Variants in ROR2 observed in about 807,000 individuals in gnomAD.
ROR2 encodes ROR family WNT receptor 2, also known as tyrosine-protein kinase transmembrane receptor ROR2.
ROR2 carries 33 observed loss-of-function variants against 74.9 expected under a neutral mutation model. The ratio of observed to expected loss-of-function variants is 0.44; its 90% confidence interval spans 0.33 to 0.59. The LOEUF (loss-of-function observed/expected upper bound fraction) is 0.59. Among genes scored for constraint, ROR2 ranks in the 20% least tolerant of loss-of-function variants. ROR2 has a pLI of 0.02. For missense variants in ROR2, 1,216 were observed against 1,313.8 expected, an observed-to-expected ratio of 0.93 and a Z score of 1.15; for synonymous variants, 586 against 558.7, an observed-to-expected ratio of 1.05 and a Z score of -0.69.
At chr9:91,915,518 C>T (rs796133849) in intron 1 of ROR2, among the ~76,000 whole-genome samples, 14 of 152,230 alleles carry the variant, frequency 9.2e-5, no homozygotes, top group African/African-American at 3.4e-4. Context: ...GTGAGTGTTA[C>T]AGCTTTCAAA....
chr9:91,725,147 C>T, intron 8 of ROR2, 40 bp from the exon 9 acceptor site: 1 of 1,609,992 alleles, frequency 6.2e-7, no homozygotes, highest in African/African-American at 1.3e-5. Flanking sequence ...ATCACTGTCA[C>T]CGCAGCCCTG....
At chr9:91,933,695 A>G (rs1458190069) in intron 1 of ROR2, among the ~76,000 whole-genome samples, 4 of 152,224 alleles carry the variant, frequency 2.6e-5, no homozygotes, top group African/African-American at 9.6e-5. Context: ...AGCAATGTGG[A>G]TGAACCTTGA....
At chr9:91,815,268 C>A (rs1827889614) in intron 1 of ROR2, among the ~76,000 whole-genome samples, 1 of 152,166 alleles carries the variant, frequency 6.6e-6, no homozygotes, top group African/African-American at 2.4e-5. Context: ...TGGTTTCCAA[C>A]ATGCCATGTT....
intron 1 of ROR2, among the ~76,000 whole-genome samples, chr9:91,921,428 G>A (rs953365220): frequency 4.6e-5 from 7 of 152,200 alleles, no homozygotes; most frequent in Admixed American, 3.9e-4. Context: ...AGAATGCAGA[G>A]GCTGTGGAAA....
intron 1 of ROR2, among the ~76,000 whole-genome samples, chr9:91,803,110 T>C (rs1827444569): frequency 6.6e-6 from 1 of 152,124 alleles, no homozygotes; most frequent in African/African-American, 2.4e-5. Context: ...TGGTGCAGCC[T>C]CTGTAGAAAA....
At chr9:91,825,854 G>C (rs1828271212) in intron 1 of ROR2, among the ~76,000 whole-genome samples, 1 of 152,160 alleles carries the variant, frequency 6.6e-6, no homozygotes, top group Non-Finnish European at 1.5e-5. Context: ...TGCTGTCTTG[G>C]GCAAACACTG....
chr9:91,740,195 T>G (rs1328666374), intron 4 of ROR2, among the ~76,000 whole-genome samples: 4 of 151,764 alleles, frequency 2.6e-5, no homozygotes, highest in African/African-American at 7.3e-5. Flanking sequence ...GGGTGGAGGG[T>G]GCTCCTGCCA....
chr9:91,769,108 T>C (rs10992086), intron 2 of ROR2, among the ~76,000 whole-genome samples: 14,827 of 152,158 alleles, frequency 0.097, 1,026 homozygotes, highest in East Asian at 0.26. Flanking sequence ...GGCTGCTGAC[T>C]TGGAACCTAA....
chr9:91,863,822 G>T (rs954936489), intron 1 of ROR2, among the ~76,000 whole-genome samples: 2 of 152,188 alleles, frequency 1.3e-5, no homozygotes, highest in African/African-American at 4.8e-5. Flanking sequence ...AAAATTGATT[G>T]TGGTAATGGT....
At chr9:91,820,192 C>T (rs1360756410) in intron 1 of ROR2, among the ~76,000 whole-genome samples, 2 of 152,202 alleles carry the variant, frequency 1.3e-5, no homozygotes, top group East Asian at 3.8e-4. Context: ...TTAAAATGCA[C>T]TGCCCCCACC....
At chr9:91,805,927 C>T (rs1273416265) in intron 1 of ROR2, among the ~76,000 whole-genome samples, 3 of 152,198 alleles carry the variant, frequency 2.0e-5, no homozygotes, top group Admixed American at 2.0e-4. Flanking sequence ...TATCACCACT[C>T]CAGAGAAGTC....
intron 8 of ROR2, 87 bp downstream of exon 8, chr9:91,726,454 A>C: frequency 7.9e-7 from 1 of 1,271,008 alleles, no homozygotes; most frequent in Non-Finnish European, 1.1e-6. Flanking sequence ...GTATCAAGTA[A>C]ATTAAGACAT....
chr9:91,844,345 C>T lies in ROR2; in HGVS notation c.98-68527G>A, dbSNP rs528313686. Among the ~76,000 whole-genome samples the T allele has an allele frequency of 8.6e-4, 131 of 152,236 alleles. 1 individual carries two copies. The highest frequency in any genetic ancestry group is 3.0e-3 in the African/African-American group (124 of 41,540). The stretch of plus-strand genomic sequence containing the variant: ...TCTGGGCCGGCACACAAGATGGGCT[C>T]TCGGCCTCCACGCTCCTGCACCTTC... On this transcript the variant is annotated intron_variant, in intron 1 of 8. Coordinates refer to ENST00000375708, the MANE Select transcript of ROR2 (RefSeq NM_004560.4).
At chr9:91,729,543 C>T (rs1342446729) in intron 7 of ROR2, among the ~76,000 whole-genome samples, 3 of 152,302 alleles carry the variant, frequency 2.0e-5, no homozygotes, top group African/African-American at 7.2e-5. Context: ...TCCTGCACTT[C>T]GGAGTAGAGA....
At chr9:91,928,827 A>G (rs1037924242) in intron 1 of ROR2, among the ~76,000 whole-genome samples, 2 of 152,236 alleles carry the variant, frequency 1.3e-5, no homozygotes, top group Admixed American at 1.3e-4. Flanking sequence ...TCAATCATGC[A>G]AGCTCCACAG....
chr9:91,770,513 G>A (rs3935544), intron 2 of ROR2, among the ~76,000 whole-genome samples: 9,742 of 152,222 alleles, frequency 0.064, 549 homozygotes, highest in Admixed American at 0.16. Flanking sequence ...GCACAACAAC[G>A]TTATTGCCTC....
chr9:91,881,508 C>A (rs911215108), intron 1 of ROR2, among the ~76,000 whole-genome samples: 3 of 152,146 alleles, frequency 2.0e-5, no homozygotes, highest in Non-Finnish European at 2.9e-5. Context: ...CACTCGAAGT[C>A]GCAGTTTCCA....
At chr9:91,788,065 A>C (rs1303460279) in intron 1 of ROR2, among the ~76,000 whole-genome samples, 1 of 152,254 alleles carries the variant, frequency 6.6e-6, no homozygotes, top group Non-Finnish European at 1.5e-5. Flanking sequence ...CTGGAGTTGA[A>C]AGTGCCATAA....
At chr9:91,836,539 C>CAAAAAAAAAAA (rs753563302) in intron 1 of ROR2, among the ~76,000 whole-genome samples, 4 of 102,482 alleles carry the variant, frequency 3.9e-5, no homozygotes, top group African/African-American at 1.3e-4. Context: ...GATTCCATCT[C>CAAAAAAAAAAA]AAAAAAAAAA....
Sources: allele counts gnomAD v4.1 joint callset (sites outside exome capture counted in the v4.1 genomes callset), GRCh38; gene constraint gnomAD v4.1.1; transcripts MANE v1.5; gene names NCBI Gene and HGNC (gene_info 2026-07-23, HGNC 2026-07-21).